DCBLD2: variants seen among roughly 807,000 people sequenced by gnomAD.
The protein encoded by DCBLD2 is discoidin, CUB and LCCL domain-containing protein 2.
DCBLD2 carries 54 observed loss-of-function variants against 86.8 expected under a neutral mutation model. The observed-to-expected ratio is 0.62, with a 90% CI of 0.50 to 0.78. DCBLD2 has a LOEUF of 0.78. DCBLD2 is among the 30% of genes least tolerant of loss of function. The pLI is 0.00. For missense variants in DCBLD2, 908 were observed against 954.2 expected (o/e 0.95, Z 0.64); for synonymous variants, 354 against 341.3 (o/e 1.04, Z -0.41).
At chr3:98,864,716 AG>A (rs1943111002) in intron 2 of DCBLD2, among the ~76,000 whole-genome samples, 1 of 152,026 alleles carries the variant, frequency 6.6e-6, no homozygotes, top group South Asian at 2.1e-4. Context: ...GGGTGGGTGG[AG>A]GGGGGAGAGA....
At chr3:98,863,046 C>A (rs1053672579) in intron 2 of DCBLD2, among the ~76,000 whole-genome samples, 5 of 152,154 alleles carry the variant, frequency 3.3e-5, no homozygotes, top group Non-Finnish European at 7.3e-5. Flanking sequence ...AATCAATGTA[C>A]AAAAATCACA....
intron 9 of DCBLD2, 83 bp from the exon 10 acceptor site, chr3:98,812,565 T>C (rs1261789827): frequency 3.1e-5 from 40 of 1,280,236 alleles, no homozygotes; most frequent in Non-Finnish European, 3.9e-5. Flanking sequence ...GTTTTTGTTC[T>C]TTGCTCTAGG....
chr3:98,876,865 C>T (rs1411642649), intron 2 of DCBLD2, among the ~76,000 whole-genome samples: 3 of 152,146 alleles, frequency 2.0e-5, no homozygotes, highest in Admixed American at 2.0e-4. Context: ...AAATGATGCA[C>T]AGTGATTTCC....
Position 98,901,579 on chromosome 3 carries a change from G to A in DCBLD2, c.-253C>T. ...GGGGAGGGAAGGAAGCGGAGTCCTCGAGCCGCGGAGGACGGCCGCGGCGGA... is the reference window on the plus strand; with the variant it reads ...GGGGAGGGAAGGAAGCGGAGTCCTCAAGCCGCGGAGGACGGCCGCGGCGGA... On this transcript the variant is annotated 5_prime_UTR_variant, in exon 1 of 16. Transcript: ENST00000326840. The A allele has an allele frequency of 3.1e-6, 1 of 318,692 alleles. No individual in the cohort carries two copies. Among genetic ancestry groups the A allele is most frequent in the Non-Finnish European group, 5.6e-6 (1 of 177,126 alleles). 19.7% of individuals were successfully genotyped at this position (318,692 alleles called of 1,614,324 possible).
chr3:98,899,406 C>T (rs542944792), intron 1 of DCBLD2, among the ~76,000 whole-genome samples: 1 of 152,154 alleles, frequency 6.6e-6, no homozygotes, highest in Admixed American at 6.5e-5. Flanking sequence ...CATGTGCCAC[C>T]ATGCCCGGCT....
chr3:98,815,797 CAGA>C (rs1381836691), intron 9 of DCBLD2: 1 of 151,734 alleles, frequency 6.6e-6, no homozygotes, highest in Non-Finnish European at 1.5e-5. Context: ...TTAGACATTT[CAGA>C]AGAATAGATT....
At chr3:98,862,565 A>G (rs1008786319) in intron 2 of DCBLD2, among the ~76,000 whole-genome samples, 4 of 152,254 alleles carry the variant, frequency 2.6e-5, no homozygotes, top group African/African-American at 9.6e-5. Flanking sequence ...CTGGTTGAAC[A>G]TATGCAAATC....
At chr3:98,836,609 C>T (rs1343069684) in intron 3 of DCBLD2, among the ~76,000 whole-genome samples, 31 of 143,456 alleles carry the variant, frequency 2.2e-4, no homozygotes, top group Non-Finnish European at 2.3e-4. Flanking sequence ...AGCTGTTGGG[C>T]ACACCTCCCA....
chr3:98,812,445 C>T lies in DCBLD2; in HGVS notation c.1250G>A (p.Arg417His), dbSNP rs753297183. ...AATAATTGGTGGCAAAAAGTTATTA[C>T]GCACATCCTGGTGATAATCTTTGTT... ...QGNKDYHQDV[R>H]NNFLPPIIAR... Residue 417 changes from arginine to histidine, a missense_variant, in exon 10 of 16, where the codon CGT becomes CAT. Physicochemically the swap from Arg to His is conservative, Grantham distance 29. Coordinates refer to ENST00000326840, the MANE Select transcript of DCBLD2 (RefSeq NM_080927.4). 24 of 1,613,066 alleles carry T rather than the reference C, an allele frequency of 1.5e-5. No individual in the cohort carries two copies. The highest frequency in any genetic ancestry group is 6.7e-5 in the East Asian group (3 of 44,824).
chr3:98,811,166 C>A, intron 12 of DCBLD2, 28 bp downstream of exon 12: 2 of 1,577,404 alleles, frequency 1.3e-6, no homozygotes. Context: ...ATACTATGTA[C>A]TAGGCGTTCA....
chr3:98,836,952 G>GTTA (rs1942474531), intron 3 of DCBLD2, among the ~76,000 whole-genome samples: 1 of 76,676 alleles, frequency 1.3e-5, no homozygotes, highest in African/African-American at 5.1e-5. Context: ...CGGACGGGGC[G>GTTA]GCTGGCCGGG....
intron 13 of DCBLD2, among the ~76,000 whole-genome samples, chr3:98,805,995 C>G (rs563025776): frequency 6.6e-6 from 1 of 152,324 alleles, no homozygotes; most frequent in East Asian, 1.9e-4. Context: ...TGCCCATAAA[C>G]TAGGCAAGTT....
Position 98,861,947 on chromosome 3 carries a change from T to A in DCBLD2, c.434-12349A>T, listed in dbSNP as rs1189533411. 3.3e-5 allele frequency among the ~76,000 whole-genome samples: 5 copies of A among 152,044 alleles called. No homozygotes were observed. The East Asian group carries it at 5.8e-4, about 18-fold the overall frequency. On this transcript the variant is annotated intron_variant, in intron 2 of 15. Transcript: ENST00000326840. ...TCAATGAATCCAGGAGATGGTTTTT[T>A]GAAAAGATCAACAAAATTGATAGAT... is the stretch of plus-strand genomic sequence containing the variant.
chr3:98,844,111 C>T (rs1942674902), intron 3 of DCBLD2, among the ~76,000 whole-genome samples: 1 of 151,436 alleles, frequency 6.6e-6, no homozygotes, highest in Non-Finnish European at 1.5e-5. Flanking sequence ...GGACTTGAAG[C>T]TTTCAATGCA....
chr3:98,812,527 T>A, intron 9 of DCBLD2, 45 bp from the exon 10 acceptor site: 1 of 1,556,576 alleles, frequency 6.4e-7, no homozygotes, highest in Non-Finnish European at 8.8e-7. Flanking sequence ...TCAATAGAGG[T>A]CAGGGCTAAA....
intron 2 of DCBLD2, among the ~76,000 whole-genome samples, chr3:98,855,743 G>T (rs147645172): frequency 6.6e-6 from 1 of 152,162 alleles, no homozygotes; most frequent in Non-Finnish European, 1.5e-5. Context: ...CAGATGGGCT[G>T]AAATATTCAT....
At chr3:98,899,530 G>A (rs530634542) in intron 1 of DCBLD2, among the ~76,000 whole-genome samples, 16 of 152,272 alleles carry the variant, frequency 1.1e-4, no homozygotes, top group African/African-American at 3.8e-4. Flanking sequence ...GATTACAGGT[G>A]TGAGCCACCG....
chr3:98,873,668 A>T (rs1480402454), intron 2 of DCBLD2, among the ~76,000 whole-genome samples: 7 of 152,120 alleles, frequency 4.6e-5, no homozygotes, highest in Admixed American at 4.6e-4. Context: ...ATCAATAAAA[A>T]TGAAAGAAAA....
At chr3:98,839,144 C>CTTCTTTCTTTCTTTCT (rs1328181094) in intron 3 of DCBLD2, among the ~76,000 whole-genome samples, 4 of 111,042 alleles carry the variant, frequency 3.6e-5, no homozygotes, top group African/African-American at 1.1e-4. Context: ...TCCTTCCTTC[C>CTTCTTTCTTTCTTTCT]TTCTTTCTTT....
Sources: gnomAD v4.1 joint callset for allele counts (sites outside exome capture counted in the v4.1 genomes callset) on GRCh38, gnomAD v4.1.1 for gene constraint, MANE v1.5 for transcripts, NCBI Gene and HGNC (gene_info 2026-07-23, HGNC 2026-07-21) for gene names.